Variants in TDRD5 observed in about 807,000 individuals in gnomAD.
TDRD5 encodes tudor domain-containing protein 5.
TDRD5 carries 41 observed loss-of-function variants against 120.6 expected under a neutral mutation model. The ratio of observed to expected loss-of-function variants is 0.34; its 90% CI spans 0.26 to 0.44. The LOEUF (loss-of-function observed/expected upper bound fraction) is 0.44, where lower values mean the gene tolerates loss of function less well. TDRD5 is among the 20% of genes least tolerant of loss of function. TDRD5 has a pLI of 1.00. For missense variants in TDRD5, 1,006 were observed against 1,221.2 expected (o/e 0.82, Z 2.63); for synonymous variants, 430 against 433.7 (o/e 0.99, Z 0.11).
chr1:179,614,098 A>G (rs1207605427), intron 4 of TDRD5, among the ~76,000 whole-genome samples: 1 of 152,204 alleles, frequency 6.6e-6, no homozygotes, highest in Admixed American at 6.5e-5. Context: ...TTATTACAAA[A>G]GTAATATAGA....
chr1:179,625,451 C>T lies in TDRD5; in HGVS notation c.972+4360C>T, dbSNP rs537732075. Among the ~76,000 whole-genome samples, 114 of 152,186 alleles carry T rather than the reference C, an allele frequency of 7.5e-4. 2 individuals carry two copies. The highest frequency in any genetic ancestry group is 4.1e-4 in the Non-Finnish European group (28 of 67,994). ...GACTTATATTCAGAATACATAAAGA[C>T]GAGTCTATAGCTCCATAATAGAAAG... On this transcript the variant is annotated intron_variant, in intron 6 of 17. Transcript: ENST00000444136.
rs764367805 is a variant in TDRD5 at position 179,690,716 on chromosome 1, C to T, written c.2881C>T (p.Leu961=). ...TCCAGTGGAAAGCTCACCAGAGATCCTAAAGAATGAAGATTTTTCTAGCAG... is the reference window on the plus strand; with the variant it reads ...TCCAGTGGAAAGCTCACCAGAGATCTTAAAGAATGAAGATTTTTCTAGCAG... ...SGSVESSPEI[L]KNEDFSSSRA... is the part of the protein sequence containing the mutation. The change falls in exon 18 of 18, where the codon CTA becomes TTA. Residue 961 remains leucine (L), a synonymous_variant. Transcript: ENST00000444136. 5 of 1,613,762 alleles carry T rather than the reference C, an allele frequency of 3.1e-6. No individual in the cohort carries two copies. The highest frequency in any genetic ancestry group is 1.1e-5 in the South Asian group (1 of 91,070).
chr1:179,653,072 C>CA (rs1013219981), intron 13 of TDRD5, among the ~76,000 whole-genome samples: 42 of 152,226 alleles, frequency 2.8e-4, no homozygotes, highest in African/African-American at 1.0e-3. Flanking sequence ...AAGGGATACT[C>CA]AATGTGTAAA....
At position 179,593,856 on chromosome 1, in the gene TDRD5, G is replaced by C; in HGVS notation, c.629G>C (p.Gly210Ala). The change falls in exon 3 of 18, where the codon GGA becomes GCA. Residue 210 changes from glycine (G) to alanine (A), a missense_variant. By Grantham distance (60) the Gly-to-Ala change is moderately conservative. Coordinates refer to ENST00000444136, the MANE Select transcript of TDRD5 (RefSeq NM_001199085.3). ...AGTGTAACAGAGGAAAAGCCGAGAG[G>C]ATGTCCAGCAGGTACGCATGTGAGC... ...KKSVTEEKPR[G>A]CPAGKIFTQP... is the part of the protein sequence containing the mutation. 2.5e-6 allele frequency: 4 copies of C among 1,612,902 alleles called. No homozygotes were observed. The highest frequency in any genetic ancestry group is 3.4e-6 in the Non-Finnish European group (4 of 1,179,122).
chr1:179,688,163 G>A (rs564663286), intron 17 of TDRD5, among the ~76,000 whole-genome samples: 212 of 152,296 alleles, frequency 1.4e-3, no homozygotes, highest in African/African-American at 4.7e-3. Flanking sequence ...AATTTGGCAC[G>A]TTTTTGCAGT....
intron 4 of TDRD5, among the ~76,000 whole-genome samples, chr1:179,617,681 T>C (rs1676632657): frequency 1.3e-5 from 2 of 152,038 alleles, no homozygotes; most frequent in Admixed American, 1.3e-4. Context: ...AACTCTACAA[T>C]CTTTCACTCT....
At chr1:179,672,883 T>G (rs1437946546) in intron 17 of TDRD5, among the ~76,000 whole-genome samples, 1 of 152,190 alleles carries the variant, frequency 6.6e-6, no homozygotes, top group Admixed American at 6.5e-5. Flanking sequence ...TTTTGTTTGC[T>G]TTGTCAAAAA....
intron 4 of TDRD5, among the ~76,000 whole-genome samples, chr1:179,608,173 A>G (rs1676081565): frequency 6.6e-6 from 1 of 151,924 alleles, no homozygotes; most frequent in African/African-American, 2.4e-5. Flanking sequence ...TTTGTTCTGT[A>G]CATAATGTGT....
At chr1:179,663,650 T>G (rs1035778407) in intron 16 of TDRD5, among the ~76,000 whole-genome samples, 159 bp downstream of exon 16, 1 of 152,198 alleles carries the variant, frequency 6.6e-6, no homozygotes, top group African/African-American at 2.4e-5. Context: ...TTTCTGGGCT[T>G]TGTACTAGAG....
chr1:179,632,022 T>A (rs1455551127), intron 7 of TDRD5, among the ~76,000 whole-genome samples: 1 of 151,912 alleles, frequency 6.6e-6, no homozygotes, highest in Admixed American at 6.6e-5. Context: ...TTCTCCTGCC[T>A]CAGCCTCCTG....
At position 179,640,326 on chromosome 1, in the gene TDRD5, G is replaced by A. The variant is rs751716568; in HGVS notation, c.1734-53G>A. On this transcript the variant is annotated intron_variant, in intron 10 of 17. Coordinates refer to ENST00000444136, the MANE Select transcript of TDRD5 (RefSeq NM_001199085.3). ...GATTTTTTGGGTCATGCTAAGAGGT[G>A]CATTTATATATAGCAGGAAGATTGA... 10 of 1,589,392 alleles carry A rather than the reference G, an allele frequency of 6.3e-6. No individual in the cohort carries two copies. In the Admixed American group the frequency reaches 1.2e-4, roughly 19 times the overall value.
At chr1:179,680,249 T>A (rs1680351729) in intron 17 of TDRD5, among the ~76,000 whole-genome samples, 1 of 152,226 alleles carries the variant, frequency 6.6e-6, no homozygotes, top group South Asian at 2.1e-4. Flanking sequence ...GCTTTACCTG[T>A]ACTTTAGAAC....
chr1:179,663,567 C>T, intron 16 of TDRD5, 76 bp downstream of exon 16: 1 of 1,509,312 alleles, frequency 6.6e-7, no homozygotes, highest in South Asian at 1.4e-5. Context: ...AAAATTGTCT[C>T]AATTTACATA....
At chr1:179,608,020 G>A (rs766638543) in intron 4 of TDRD5, among the ~76,000 whole-genome samples, 1 of 151,820 alleles carries the variant, frequency 6.6e-6, no homozygotes, top group Non-Finnish European at 1.5e-5. Context: ...AAGTCTATTT[G>A]TCATTTTCAT....
Position 179,634,617 on chromosome 1 carries a change from G to A in TDRD5, c.1287G>A (p.Lys429=). ...KICKKPNLVV[K]PLQLQVETNK... ...GCAAGAAGCCTAATCTGGTGGTAAA[G>A]CCTTTACAGCTGGTGAGTGAGGTTT... The change falls in exon 8 of 18, where the codon AAG becomes AAA. Residue 429 remains lysine (K), a synonymous_variant. Transcript: ENST00000444136. The A allele has an allele frequency of 6.2e-7, 1 of 1,610,110 alleles. No individual in the cohort carries two copies. Among genetic ancestry groups the A allele is most frequent in the East Asian group, 2.2e-5 (1 of 44,852 alleles).
At chr1:179,651,967 A>G (rs1678741079) in intron 12 of TDRD5, 72 bp from the exon 13 acceptor site, 1 of 1,486,306 alleles carries the variant, frequency 6.7e-7, no homozygotes, top group South Asian at 1.2e-5. Context: ...TTTGAAAGTT[A>G]TTAAGTGCTT....
At chr1:179,682,817 T>C (rs571645738) in intron 17 of TDRD5, among the ~76,000 whole-genome samples, 39 of 152,254 alleles carry the variant, frequency 2.6e-4, no homozygotes, top group African/African-American at 8.4e-4. Context: ...ATGGACTTGA[T>C]GTTGCATGTG....
intron 17 of TDRD5, among the ~76,000 whole-genome samples, chr1:179,679,210 A>G (rs1029781704): frequency 8.6e-5 from 13 of 151,896 alleles, no homozygotes; most frequent in African/African-American, 3.2e-4. Context: ...TCCTGGGATA[A>G]TGCCCTCGTG....
intron 10 of TDRD5, 64 bp from the exon 11 acceptor site, chr1:179,640,315 T>G: frequency 6.4e-7 from 1 of 1,572,360 alleles, no homozygotes; most frequent in Non-Finnish European, 8.8e-7. Flanking sequence ...TTTTGGGTCA[T>G]GCTAAGAGGT....
Sources: gnomAD v4.1 joint callset for allele counts (sites outside exome capture counted in the v4.1 genomes callset) on GRCh38, gnomAD v4.1.1 for gene constraint, MANE v1.5 for transcripts, NCBI Gene and HGNC (gene_info 2026-07-23, HGNC 2026-07-21) for gene names.